LRMDA: variants seen among roughly 807,000 people sequenced by gnomAD.
LRMDA encodes the protein leucine rich melanocyte differentiation associated.
A neutral mutation model predicts 29.8 loss-of-function variants in LRMDA; 18 were observed. The ratio of observed to expected loss-of-function variants is 0.60; its 90% CI spans 0.42 to 0.90. The LOEUF is 0.90. Ranked by LOEUF, LRMDA falls within the 40% of genes least tolerant of loss-of-function variation. The pLI, the probability that LRMDA is intolerant of heterozygous loss-of-function variation, is 0.00. For missense variants in LRMDA, 273 were observed against 273.9 expected (o/e 1.00, Z 0.02); for synonymous variants, 125 against 109.4 (o/e 1.14, Z -0.89).
intron 2 of LRMDA, among the ~76,000 whole-genome samples, chr10:75,672,285 G>A (rs1336119128): frequency 5.3e-5 from 8 of 151,938 alleles, no homozygotes; most frequent in African/African-American, 1.9e-4. Flanking sequence ...AGACAAGCCC[G>A]GAAAAGGGGA....
At chr10:76,550,832 C>T (rs1368085747) in intron 6 of LRMDA, among the ~76,000 whole-genome samples, 1 of 152,132 alleles carries the variant, frequency 6.6e-6, no homozygotes, top group Non-Finnish European at 1.5e-5. Context: ...CTTTTAAAGT[C>T]TCTCTTCTTT....
chr10:76,461,011 C>T (rs1048215263), intron 6 of LRMDA, among the ~76,000 whole-genome samples: 3 of 152,050 alleles, frequency 2.0e-5, no homozygotes, highest in Admixed American at 1.3e-4. Context: ...AAATAAAATA[C>T]GTATAAGAAC....
chr10:75,904,656 G>A lies in LRMDA; in HGVS notation c.132-131352G>A, dbSNP rs114608464. Among the ~76,000 whole-genome samples the A allele has an allele frequency of 2.5e-3, 374 of 152,266 alleles. 3 individuals carry two copies. Among genetic ancestry groups the A allele is most frequent in the African/African-American group, 8.1e-3 (338 of 41,554 alleles). On this transcript the variant is annotated intron_variant, in intron 2 of 6. Transcript: ENST00000611255. ...TGTTTGTCCCTGTCTCCACGGCAACGCCACCAGCACTTATCATTAACTTTC... is the reference window on the plus strand; with the variant it reads ...TGTTTGTCCCTGTCTCCACGGCAACACCACCAGCACTTATCATTAACTTTC...
intron 6 of LRMDA, among the ~76,000 whole-genome samples, chr10:76,545,503 C>T (rs1406702253): frequency 1.3e-5 from 2 of 151,978 alleles, no homozygotes; most frequent in East Asian, 1.9e-4. Flanking sequence ...TGATTATACT[C>T]CATAAATGAT....
chr10:75,561,706 G>T (rs1194815261), intron 2 of LRMDA, among the ~76,000 whole-genome samples: 1 of 151,772 alleles, frequency 6.6e-6, no homozygotes, highest in Admixed American at 6.6e-5. Flanking sequence ...CTTTGAATGT[G>T]TCCCAGAGAT....
rs747375089 is a variant in LRMDA, at chr10:76,107,617, G to A, written c.516+48834G>A. ...CTTCTTCCTCCATGGCTCTGTTTCCGCTGTCTCTGTTAACACTGTTTCCTC... is the reference window on the plus strand; with the variant it reads ...CTTCTTCCTCCATGGCTCTGTTTCCACTGTCTCTGTTAACACTGTTTCCTC... On this transcript the variant is annotated intron_variant, in intron 5 of 6. Coordinates refer to ENST00000611255, the MANE Select transcript of LRMDA (RefSeq NM_001305581.2). Among the ~76,000 whole-genome samples the A allele has an allele frequency of 3.9e-5, 6 of 152,152 alleles. No homozygotes were observed. In the East Asian group the frequency reaches 5.8e-4, roughly 15 times the overall value.
At chr10:76,138,068 C>T (rs1238612940) in intron 5 of LRMDA, among the ~76,000 whole-genome samples, 1 of 152,090 alleles carries the variant, frequency 6.6e-6, no homozygotes, top group Non-Finnish European at 1.5e-5. Flanking sequence ...CCTTATAATT[C>T]CCTGTTTAAA....
chr10:75,431,929 G>A (rs955994835), intron 1 of LRMDA, among the ~76,000 whole-genome samples, 175 bp downstream of exon 1: 3 of 152,148 alleles, frequency 2.0e-5, no homozygotes, highest in Non-Finnish European at 2.9e-5. Context: ...GACAGACCTC[G>A]TTTCGGGCCT....
chr10:76,295,937 GC>G (rs1840406726), intron 5 of LRMDA, among the ~76,000 whole-genome samples: 1 of 152,074 alleles, frequency 6.6e-6, no homozygotes, highest in Non-Finnish European at 1.5e-5. Flanking sequence ...GAATTATCTA[GC>G]ATAGTGCTTA....
At chr10:75,761,564 T>C (rs1843095226) in intron 2 of LRMDA, among the ~76,000 whole-genome samples, 1 of 152,226 alleles carries the variant, frequency 6.6e-6, no homozygotes, top group Non-Finnish European at 1.5e-5. Context: ...GTTTAATGGA[T>C]ACAGAGTTTC....
chr10:76,449,723 T>C (rs1244382920), intron 6 of LRMDA, among the ~76,000 whole-genome samples: 1 of 151,984 alleles, frequency 6.6e-6, no homozygotes, highest in East Asian at 1.9e-4. Flanking sequence ...GTACTAGTGA[T>C]AATCCTTTTG....
chr10:76,557,306 C>A lies in LRMDA; in HGVS notation c.*18C>A. The A allele has an allele frequency of 6.3e-7, 1 of 1,578,614 alleles. No individual in the cohort carries two copies. The highest frequency in any genetic ancestry group is 8.7e-7 in the Non-Finnish European group (1 of 1,149,778). ...AGCTCTGAAGCCAACTTCTGTATACCTTCACCCATTTCATGAAAATAAAAT... is the reference window on the plus strand; with the variant it reads ...AGCTCTGAAGCCAACTTCTGTATACATTCACCCATTTCATGAAAATAAAAT... On this transcript the variant is annotated 3_prime_UTR_variant, in exon 7 of 7. Coordinates refer to ENST00000611255, the MANE Select transcript of LRMDA (RefSeq NM_001305581.2).
intron 2 of LRMDA, among the ~76,000 whole-genome samples, chr10:75,834,390 G>A (rs150341508): frequency 1.2e-3 from 177 of 152,294 alleles, no homozygotes; most frequent in African/African-American, 3.7e-3. Flanking sequence ...TTTGCCAAAG[G>A]TTGTTCATTT....
chr10:76,538,555 TACACAC>T (rs57625591), intron 6 of LRMDA, among the ~76,000 whole-genome samples: 1 of 141,474 alleles, frequency 7.1e-6, no homozygotes, highest in Admixed American at 7.2e-5. Flanking sequence ...TATATATATA[TACACAC>T]ACACACACAC....
chr10:75,844,077 CT>C (rs1264172794), intron 2 of LRMDA, among the ~76,000 whole-genome samples: 1 of 152,130 alleles, frequency 6.6e-6, no homozygotes, highest in Non-Finnish European at 1.5e-5. Flanking sequence ...GCATTACTCT[CT>C]TTGATGGGCC....
chr10:75,799,515 T>A (rs899929572), intron 2 of LRMDA, among the ~76,000 whole-genome samples: 16 of 152,076 alleles, frequency 1.1e-4, no homozygotes, highest in African/African-American at 3.9e-4. Flanking sequence ...ATAATCTTTT[T>A]CTTTTTTTTT....
chr10:76,423,789 C>T (rs115382942), intron 6 of LRMDA, among the ~76,000 whole-genome samples: 11 of 152,184 alleles, frequency 7.2e-5, no homozygotes, highest in East Asian at 1.9e-4. Context: ...TTTTGTTAAA[C>T]GGTGGACCCT....
intron 5 of LRMDA, among the ~76,000 whole-genome samples, chr10:76,084,544 T>C (rs1849104089): frequency 6.6e-6 from 1 of 151,944 alleles, no homozygotes; most frequent in Admixed American, 6.6e-5. Flanking sequence ...CAGAAAGATA[T>C]TTGGTTCAAG....
chr10:76,259,326 T>C (rs1839904706), intron 5 of LRMDA, among the ~76,000 whole-genome samples: 1 of 152,136 alleles, frequency 6.6e-6, no homozygotes, highest in Non-Finnish European at 1.5e-5. Context: ...CCTTCACTCA[T>C]TGGTTGTTCA....
Sources: gnomAD v4.1 joint callset for allele counts (sites outside exome capture counted in the v4.1 genomes callset) on GRCh38, gnomAD v4.1.1 for gene constraint, MANE v1.5 for transcripts, NCBI Gene and HGNC (gene_info 2026-07-23, HGNC 2026-07-21) for gene names.